Variants in OXA1L observed in about 807,000 individuals in gnomAD.
OXA1L encodes mitochondrial inner membrane protein OXA1L.
OXA1L carries 42 observed loss-of-function variants against 52.2 expected under a neutral mutation model. That is an observed-to-expected ratio of 0.80 (90% CI 0.63 to 1.04). OXA1L has a LOEUF of 1.04. Ranked by LOEUF, OXA1L falls within the 50% of genes least tolerant of loss-of-function variation. OXA1L has a pLI of 0.00. For synonymous variants in OXA1L, 239 were observed against 201.9 expected (o/e 1.18, Z -1.56); for missense variants, 572 against 555.0 (o/e 1.03, Z -0.31).
rs1594940743 is a variant in OXA1L, at chr14:22,772,716, G to A, written c.*1158G>A. Reference sequence around the variant, plus strand: ...TGATAATTAAGAATGAAAGTTCCAGGCTGGGCAAAGTGGCTCACACCTATA... The same window carrying A: ...TGATAATTAAGAATGAAAGTTCCAGACTGGGCAAAGTGGCTCACACCTATA... On this transcript the variant is annotated 3_prime_UTR_variant, in exon 10 of 10. Transcript: ENST00000612549. 1 of 152,228 alleles carries A rather than the reference G, an allele frequency of 6.6e-6. No homozygotes were observed. Among genetic ancestry groups the A allele is most frequent in the African/African-American group, 2.4e-5 (1 of 41,394 alleles). 9.4% of individuals were successfully genotyped at this position (152,228 alleles called of 1,614,324 possible). A position where few individuals can be genotyped will look rare whatever the true frequency, so the allele number is the denominator to read the frequency against.
intron 1 of OXA1L, 150 bp downstream of exon 1, chr14:22,766,914 G>A (rs913847942): frequency 2.0e-6 from 3 of 1,517,436 alleles, no homozygotes; most frequent in African/African-American, 2.8e-5. Flanking sequence ...GACGCGCTAG[G>A]GTTAGTCCCC....
Position 22,771,467 on chromosome 14 carries a change from T to C in OXA1L, c.1217T>C (p.Leu406Pro), listed in dbSNP as rs746653674. The change falls in exon 10 of 10, where the codon CTC becomes CCC. Residue 406 changes from leucine to proline, a missense_variant. By Grantham distance (98) the Leu-to-Pro change is moderately conservative. Transcript: ENST00000612549. The part of the protein sequence containing the change: ...PLRQTFTHNP[L>P]LQPGKDNPPN... The stretch of plus-strand genomic sequence containing the variant: ...CGACAGACCTTTACCCACAACCCTC[T>C]CCTACAACCTGGAAAGGATAACCCT... The C allele has an allele frequency of 1.2e-6, 2 of 1,614,010 alleles. No individual in the cohort carries two copies. Among genetic ancestry groups the C allele is most frequent in the South Asian group, 2.2e-5 (2 of 91,078 alleles).
chr14:22,770,071 C>A, intron 4 of OXA1L, 122 bp from the exon 5 acceptor site: 1 of 1,370,920 alleles, frequency 7.3e-7, no homozygotes, highest in South Asian at 1.2e-5. Context: ...TTTCTTAGAC[C>A]TAATGCTCCC....
At chr14:22,769,338 C>T (rs192696169) in intron 3 of OXA1L, among the ~76,000 whole-genome samples, 1 of 152,308 alleles carries the variant, frequency 6.6e-6, no homozygotes, top group East Asian at 1.9e-4. Context: ...TTTCACTTAA[C>T]ATAGTGATCT....
rs142951473 is a variant in OXA1L at position 22,768,416 on chromosome 14, T to C, written c.439+245T>C. ...TTTGAATACAAACATGGGGTTAGAG[T>C]CAGGGGACCTTATTAACAGTCATGA... is the stretch of plus-strand genomic sequence containing the variant. On this transcript the variant is annotated intron_variant, in intron 3 of 9. Transcript: ENST00000612549. The C allele has an allele frequency of 2.3e-5, 12 of 515,350 alleles. No individual in the cohort carries two copies. In the East Asian group the frequency reaches 4.2e-4, roughly 18 times the overall value. The allele number at this position is 515,350 out of a possible 1,614,324, so 31.9% of individuals were successfully genotyped here.
Position 22,771,643 on chromosome 14 carries a change from C to G in OXA1L, c.*85C>G. 7.2e-7 allele frequency: 1 copy of G among 1,386,670 alleles called. No individual in the cohort carries two copies. The highest frequency in any genetic ancestry group is 1.2e-5 in the South Asian group (1 of 84,114). 85.9% of individuals were successfully genotyped at this position (1,386,670 alleles called of 1,614,324 possible). ...CAAGACTTGACACTGTGTCCTTGCC[C>G]CAGTCCTAGGAACTGTGGCACACAG... On this transcript the variant is annotated 3_prime_UTR_variant, in exon 10 of 10. Coordinates refer to ENST00000612549, the MANE Select transcript of OXA1L (RefSeq NM_005015.5).
chr14:22,770,984 A>G, intron 7 of OXA1L, 34 bp from the exon 8 acceptor site: 6 of 1,613,926 alleles, frequency 3.7e-6, no homozygotes, highest in Non-Finnish European at 5.1e-6. Context: ...CCAGGGATAC[A>G]GCTTCTGAGT....
chr14:22,770,049 A>C, intron 4 of OXA1L, 115 bp downstream of exon 4: 2 of 1,452,782 alleles, frequency 1.4e-6, no homozygotes, highest in Non-Finnish European at 1.9e-6. Context: ...GAAAGTTCTA[A>C]AGGTTTATCT....
At chr14:22,770,756 A>G in intron 6 of OXA1L, 49 bp from the exon 7 acceptor site, 1 of 1,572,166 alleles carries the variant, frequency 6.4e-7, no homozygotes, top group Non-Finnish European at 8.8e-7. Flanking sequence ...AGACAGATTC[A>G]CTGAAACTGA....
rs1197928806 is a variant in OXA1L, at chr14:22,772,559, A to G, written c.*1001A>G. 4 of 149,322 alleles carry G rather than the reference A, an allele frequency of 2.7e-5. No homozygotes were observed. The highest frequency in any genetic ancestry group is 5.9e-5 in the Non-Finnish European group (4 of 67,644). The allele number at this position is 149,322 out of a possible 1,614,324, so 9.2% of individuals were successfully genotyped here. ...AACCCATGCATGTGTTGTTCTATGC[A>G]CATTTGGATTGCAGTCTAGAGGTGT... On this transcript the variant is annotated 3_prime_UTR_variant, in exon 10 of 10. Coordinates refer to ENST00000612549, the MANE Select transcript of OXA1L (RefSeq NM_005015.5).
In OXA1L at chr14:22,771,463, C is replaced by G. The variant is rs749851377; in HGVS notation, c.1213C>G (p.Pro405Ala). 1.9e-6 allele frequency: 3 copies of G among 1,614,110 alleles called. No individual in the cohort carries two copies. Among genetic ancestry groups the G allele is most frequent in the South Asian group, 2.2e-5 (2 of 91,076 alleles). ...TTTACGACAGACCTTTACCCACAAC[C>G]CTCTCCTACAACCTGGAAAGGATAA... ...GPLRQTFTHN[P>A]LLQPGKDNPP... The change falls in exon 10 of 10, where the codon CCT (proline) becomes GCT (alanine). Residue 405 changes from proline to alanine, a missense_variant. Transcript: ENST00000612549.
At position 22,769,830 on chromosome 14, in the gene OXA1L, T is replaced by A; in HGVS notation, c.479T>A (p.Val160Glu). 1 of 1,614,194 alleles carries A rather than the reference T, an allele frequency of 6.2e-7. No individual in the cohort carries two copies. Among genetic ancestry groups the A allele is most frequent in the South Asian group, 1.1e-5 (1 of 91,084 alleles). The stretch of plus-strand genomic sequence containing the variant: ...CGCTGCCTGATTTTTCCTCTCATCG[T>A]GACGGGCCAGCGAGAGGCAGCCAGG... ...FARCLIFPLIVTGQREAARIH... is the reference protein window; with the variant it reads ...FARCLIFPLIETGQREAARIH... Residue 160 changes from valine (V) to glutamate (E), a missense_variant, in exon 4 of 10, where the codon GTG becomes GAG. Around this residue, in one of 5 missense-constraint regions of OXA1L, gnomAD observed 132 missense variants for 124.0 expected, o/e 1.06. Coordinates refer to ENST00000612549, the MANE Select transcript of OXA1L (RefSeq NM_005015.5).
At position 22,767,947 on chromosome 14, in the gene OXA1L, C is replaced by G. The variant is rs1381940956; in HGVS notation, c.226-11C>G. 1 of 1,600,868 alleles carries G rather than the reference C, an allele frequency of 6.2e-7. No homozygotes were observed. The stretch of plus-strand genomic sequence containing the variant: ...CTGAATAAATATAATACAAGGCTTT[C>G]TTTCACACAGGTTCAGGCCCCTCCT... On this transcript the variant is annotated splice_polypyrimidine_tract_variant and intron_variant, in intron 2 of 9. Coordinates refer to ENST00000612549, the MANE Select transcript of OXA1L (RefSeq NM_005015.5).
chr14:22,768,420 G>A, intron 3 of OXA1L: 4 of 508,402 alleles, frequency 7.9e-6, no homozygotes, highest in South Asian at 6.4e-5. Flanking sequence ...TTAGAGTCAG[G>A]GGACCTTATT....
In OXA1L at chr14:22,771,940, T is replaced by A. The variant is rs2038470946; in HGVS notation, c.*382T>A. On this transcript the variant is annotated 3_prime_UTR_variant, in exon 10 of 10. Transcript: ENST00000612549. ...CATGGGGAAACGCCATCTCTGCTGT[T>A]TTACAAAAATAGCCACACGTGGTGG... 5.0e-6 allele frequency: 1 copy of A among 201,642 alleles called. No individual in the cohort carries two copies. Among genetic ancestry groups the A allele is most frequent in the African/African-American group, 2.3e-5 (1 of 42,696 alleles). The allele number at this position is 201,642 out of a possible 1,614,324, so 12.5% of individuals were successfully genotyped here.
chr14:22,770,440 A>C, intron 5 of OXA1L, 21 bp from the exon 6 acceptor site: 2 of 1,608,674 alleles, frequency 1.2e-6, no homozygotes, highest in Non-Finnish European at 1.7e-6. Context: ...GCATGCTGAC[A>C]CTGTTTATCT....
chr14:22,767,340 C>G lies in OXA1L; in HGVS notation c.156C>G (p.His52Gln), dbSNP rs1362731231. The G allele has an allele frequency of 6.2e-7, 1 of 1,613,968 alleles. No individual in the cohort carries two copies. The highest frequency in any genetic ancestry group is 1.7e-5 in the Admixed American group (1 of 60,000). ...FPAAPCCCRP[H>Q]YLFLAASGPR... ...CAGCCCCGTGCTGCTGTCGCCCACA[C>G]TACCTCTTCCTTGCGGCTTCCGGCC... Residue 52 changes from histidine (H) to glutamine (Q), a missense_variant, in exon 2 of 10, where the codon CAC becomes CAG. Around this residue, in one of 5 missense-constraint regions of OXA1L, gnomAD observed 186 missense variants for 151.8 expected, o/e 1.23. Coordinates refer to ENST00000612549, the MANE Select transcript of OXA1L (RefSeq NM_005015.5).
chr14:22,770,725 A>G, intron 6 of OXA1L, 80 bp from the exon 7 acceptor site: 1 of 1,540,000 alleles, frequency 6.5e-7, no homozygotes, highest in South Asian at 1.1e-5. Context: ...CTGGAGAAAG[A>G]GTTGATGGGT....
chr14:22,766,728 C>A lies in OXA1L; in HGVS notation c.27C>A (p.Arg9=). 1 of 1,614,284 alleles carries A rather than the reference C, an allele frequency of 6.2e-7. No homozygotes were observed. Among genetic ancestry groups the A allele is most frequent in the Non-Finnish European group, 8.5e-7 (1 of 1,180,056 alleles). ...TGGCGATGGGACTAATGTGCGGACG[C>A]CGGGAGCTTCTGCGCTTGCTACAGT... The part of the protein sequence containing the change: MAMGLMCG[R]RELLRLLQSG... The change falls in exon 1 of 10, where the codon CGC becomes CGA. Residue 9 remains arginine (R), a synonymous_variant. Transcript: ENST00000612549.
Sources: gnomAD v4.1 joint callset for allele counts (sites outside exome capture counted in the v4.1 genomes callset) on GRCh38, gnomAD v4.1.1 for gene constraint, gnomAD v4.1.1 regional missense constraint, MANE v1.5 for transcripts, NCBI Gene and HGNC (gene_info 2026-07-23, HGNC 2026-07-21) for gene names.